TMEM132B: variants seen among roughly 807,000 people sequenced by gnomAD.
TMEM132B encodes transmembrane protein 132B.
A neutral mutation model predicts 90.8 loss-of-function variants in TMEM132B; 18 were observed. The observed-to-expected ratio is 0.20, with a 90% confidence interval of 0.14 to 0.29. TMEM132B has a LOEUF of 0.29. TMEM132B is among the 10% of genes least tolerant of loss of function. The pLI, the probability that TMEM132B is intolerant of heterozygous loss-of-function variation, is 1.00. For synonymous variants in TMEM132B, 504 were observed against 523.3 expected, an observed-to-expected ratio of 0.96 and a Z score of 0.50; for missense variants, 1,096 against 1,326.8, an observed-to-expected ratio of 0.83 and a Z score of 2.70.
chr12:125,388,351 C>G (rs1217911853), intron 2 of TMEM132B, among the ~76,000 whole-genome samples: 3 of 152,136 alleles, frequency 2.0e-5, no homozygotes, highest in African/African-American at 7.2e-5. Context: ...ATTGCTTGAA[C>G]CCAGGAGGCA....
At chr12:125,243,451 C>T (rs529459766) in intron 1 of TMEM132B, among the ~76,000 whole-genome samples, 9 of 152,180 alleles carry the variant, frequency 5.9e-5, no homozygotes, top group South Asian at 2.1e-4. Context: ...GGACTACAGG[C>T]GCCCGCCAAC....
chr12:125,259,371 C>T (rs1459267892), intron 1 of TMEM132B, among the ~76,000 whole-genome samples: 1 of 152,192 alleles, frequency 6.6e-6, no homozygotes, highest in Non-Finnish European at 1.5e-5. Flanking sequence ...CTTAGCCACA[C>T]AGGGCTGCCT....
At chr12:125,620,971 C>T (rs1389176931) in intron 5 of TMEM132B, among the ~76,000 whole-genome samples, 7 of 152,180 alleles carry the variant, frequency 4.6e-5, no homozygotes, top group Admixed American at 1.3e-4. Flanking sequence ...AACCATATCA[C>T]ACAGACAACT....
chr12:125,650,204 G>A (rs953174341), intron 6 of TMEM132B, among the ~76,000 whole-genome samples: 2 of 152,034 alleles, frequency 1.3e-5, no homozygotes, highest in Non-Finnish European at 2.9e-5. Flanking sequence ...GACCTACTTG[G>A]TCCTCATGTG....
At chr12:125,640,451 C>T (rs997785218) in intron 5 of TMEM132B, among the ~76,000 whole-genome samples, 2 of 152,136 alleles carry the variant, frequency 1.3e-5, no homozygotes, top group Admixed American at 1.3e-4. Context: ...TGGGGCTAAG[C>T]CTAGGAGAGC....
At chr12:125,441,121 C>T (rs763191086) in intron 3 of TMEM132B, among the ~76,000 whole-genome samples, 7 of 152,166 alleles carry the variant, frequency 4.6e-5, no homozygotes, top group Non-Finnish European at 1.0e-4. Context: ...AGAATTTTGT[C>T]TCTACATGAT....
In TMEM132B at chr12:125,187,092, C is replaced by T. The variant is rs562476193; in HGVS notation, c.67+226C>T. On this transcript the variant is annotated intron_variant, in intron 1 of 8. Transcript: ENST00000682704. ...CAAACCCTTAGCTTCCTTGCGGATCCTTTCGGGACGCACGGGGGCCACAGA... is the reference window on the plus strand; with the variant it reads ...CAAACCCTTAGCTTCCTTGCGGATCTTTTCGGGACGCACGGGGGCCACAGA... Among the ~76,000 whole-genome samples the T allele has an allele frequency of 1.3e-3, 193 of 152,310 alleles. 2 individuals carry two copies. Among genetic ancestry groups the T allele is most frequent in the African/African-American group, 4.4e-3 (183 of 41,566 alleles).
chr12:125,242,995 TTCTC>T (rs1259931883), intron 1 of TMEM132B, among the ~76,000 whole-genome samples: 3 of 126,364 alleles, frequency 2.4e-5, no homozygotes, highest in Non-Finnish European at 1.7e-5. Flanking sequence ...TCTTTTCTCT[TTCTC>T]TCTCTTTCTT....
Position 125,652,521 on chromosome 12 carries a change from G to T in TMEM132B, c.1995G>T (p.Leu665=). ...ATGACCGAGTCACCATCGCGGAGCT[G>T]GGAGTGCAGCTCGTAGCTGGCATGT... ...VLDDRVTIAE[L]GVQLVAGMSL... The change falls in exon 8 of 9, where the codon CTG becomes CTT. Residue 665 remains leucine, a synonymous_variant. Transcript: ENST00000682704. The T allele has an allele frequency of 6.2e-7, 1 of 1,613,828 alleles. No individual in the cohort carries two copies. The highest frequency in any genetic ancestry group is 8.5e-7 in the Non-Finnish European group (1 of 1,179,804).
At chr12:125,595,156 A>C (rs1885411174) in intron 5 of TMEM132B, among the ~76,000 whole-genome samples, 1 of 152,110 alleles carries the variant, frequency 6.6e-6, no homozygotes, top group Admixed American at 6.5e-5. Context: ...GTGCTGGTTT[A>C]TTGCCCTGTT....
At chr12:125,584,090 T>C in intron 5 of TMEM132B, 96 bp downstream of exon 5, 2 of 1,574,796 alleles carry the variant, frequency 1.3e-6, no homozygotes, top group South Asian at 1.1e-5. Context: ...GAGCATCCCA[T>C]GCTCTAAAGG....
chr12:125,422,864 GC>G (rs1466272448), intron 3 of TMEM132B, among the ~76,000 whole-genome samples: 3 of 152,188 alleles, frequency 2.0e-5, no homozygotes, highest in African/African-American at 7.2e-5. Context: ...TGGATCTCTG[GC>G]TGCCAGAAGT....
At chr12:125,603,209 C>T (rs1183765447) in intron 5 of TMEM132B, among the ~76,000 whole-genome samples, 4 of 152,166 alleles carry the variant, frequency 2.6e-5, no homozygotes, top group African/African-American at 9.7e-5. Context: ...TCAAATTATA[C>T]TACAAGGCTA....
At chr12:125,276,547 G>A (rs570255034) in intron 1 of TMEM132B, among the ~76,000 whole-genome samples, 125 of 152,334 alleles carry the variant, frequency 8.2e-4, no homozygotes, top group Non-Finnish European at 1.2e-3. Flanking sequence ...GGGGGTGTCC[G>A]TCAAGGCTGA....
chr12:125,619,431 C>T (rs1376238656), intron 5 of TMEM132B, among the ~76,000 whole-genome samples: 10 of 152,002 alleles, frequency 6.6e-5, no homozygotes, highest in Admixed American at 5.2e-4. Flanking sequence ...CTGACACGAT[C>T]TCGGCTCACT....
chr12:125,539,197 C>T (rs187505866), intron 4 of TMEM132B, among the ~76,000 whole-genome samples: 29 of 152,276 alleles, frequency 1.9e-4, no homozygotes, highest in Admixed American at 3.9e-4. Context: ...CTTAAGTGGC[C>T]GAAAGAGGTC....
chr12:125,313,817 GT>G (rs776988125), intron 1 of TMEM132B, among the ~76,000 whole-genome samples: 1 of 147,706 alleles, frequency 6.8e-6, no homozygotes, highest in East Asian at 2.0e-4. Flanking sequence ...CAAACTTTGT[GT>G]CATGCTCTTG....
chr12:125,494,177 C>T lies in TMEM132B; in HGVS notation c.1107-25262C>T, dbSNP rs141118549. Among the ~76,000 whole-genome samples the T allele has an allele frequency of 7.5e-3, 1,022 of 136,510 alleles. 6 individuals carry two copies. Among genetic ancestry groups the T allele is most frequent in the Middle Eastern group, 0.014 (3 of 208 alleles). 89.6% of individuals were successfully genotyped at this position (136,510 alleles called of 152,430 possible). A position where few individuals can be genotyped will look rare whatever the true frequency, so the allele number is the denominator to read the frequency against. ...CCTTCCTCCCTGGAAATGACCGCGT[C>T]CCTCCTCCCCCTCCTCCCTGGAAAT... On this transcript the variant is annotated intron_variant, in intron 3 of 8. Coordinates refer to ENST00000682704, the MANE Select transcript of TMEM132B (RefSeq NM_001366854.1).
intron 3 of TMEM132B, among the ~76,000 whole-genome samples, chr12:125,473,240 GT>G (rs1881768915): frequency 6.6e-6 from 1 of 152,026 alleles, no homozygotes; most frequent in African/African-American, 2.4e-5. Flanking sequence ...TCTTCACCTG[GT>G]GGGTCCCCCT....
Sources: allele counts gnomAD v4.1 joint callset (sites outside exome capture counted in the v4.1 genomes callset), GRCh38; gene constraint gnomAD v4.1.1; transcripts MANE v1.5; gene names NCBI Gene and HGNC (gene_info 2026-07-23, HGNC 2026-07-21).